Variants in NOC4L observed in about 807,000 individuals in gnomAD.
NOC4L encodes the protein nucleolar complex protein 4 homolog.
Under a neutral mutation model 62.8 loss-of-function variants are expected in NOC4L, and 40 were observed. That is an observed-to-expected ratio of 0.64 (90% CI 0.49 to 0.83). NOC4L has a LOEUF of 0.83. Among genes scored for constraint, NOC4L ranks in the 40% least tolerant of loss-of-function variants. NOC4L has a pLI of 0.00. For missense variants in NOC4L, 927 were observed against 701.9 expected (o/e 1.32, Z -3.62); for synonymous variants, 433 against 299.8 (o/e 1.44, Z -4.59).
chr12:132,150,907 T>C (rs1897909736), intron 9 of NOC4L, 74 bp from the exon 10 acceptor site: 1 of 1,128,584 alleles, frequency 8.9e-7, no homozygotes, highest in Non-Finnish European at 1.3e-6. Context: ...TCCACAGACT[T>C]ACACTCAGTG....
rs140338310 is a variant in NOC4L at position 132,145,609 on chromosome 12, C to T, written c.289C>T (p.His97Tyr). ...KYKVWMRHRYHSCCNRLGELL... is the reference protein window; with the variant it reads ...KYKVWMRHRYYSCCNRLGELL... ...CAAGGTGTGGATGAGACACCGCTAT[C>T]ACAGCTGCTGCAATCGCTTGGGAGA... The change falls in exon 3 of 15, where the codon CAC becomes TAC. Residue 97 changes from histidine to tyrosine, a missense_variant. Physicochemically the swap from His to Tyr is moderately conservative, Grantham distance 83 (BLOSUM62 2). Coordinates refer to ENST00000330579, the MANE Select transcript of NOC4L (RefSeq NM_024078.3). The T allele has an allele frequency of 8.7e-6, 14 of 1,613,612 alleles. No homozygotes were observed. The highest frequency in any genetic ancestry group is 1.1e-5 in the South Asian group (1 of 91,086).
In NOC4L at chr12:132,151,120, C is replaced by G. The variant is rs575638590; in HGVS notation, c.962+79C>G. ...TCTGTCCCCTTCCCACCCTGCCCCA[C>G]GGGGTCCCCGCTTTCCTCACAGGCC... On this transcript the variant is annotated intron_variant, in intron 10 of 14. Transcript: ENST00000330579. The G allele has an allele frequency of 4.1e-6, 6 of 1,466,118 alleles. No homozygotes were observed. In the African/African-American group the frequency reaches 8.3e-5, roughly 20 times the overall value. 90.8% of individuals were successfully genotyped at this position (1,466,118 alleles called of 1,614,324 possible). A position where few individuals can be genotyped will look rare whatever the true frequency, so the allele number is the denominator to read the frequency against.
intron 4 of NOC4L, 46 bp from the exon 5 acceptor site, chr12:132,147,587 G>C (rs570414274): frequency 6.3e-7 from 1 of 1,599,082 alleles, no homozygotes; most frequent in East Asian, 2.2e-5. Context: ...GACCTTGCTG[G>C]CGTATGCTGG....
intron 1 of NOC4L, 55 bp from the exon 2 acceptor site, chr12:132,144,799 C>G (rs111232707): frequency 2.6e-5 from 41 of 1,568,710 alleles, no homozygotes; most frequent in Non-Finnish European, 3.4e-5. Context: ...GCAGCCTAGG[C>G]AGGGGCGAAG....
chr12:132,147,935 C>T lies in NOC4L; in HGVS notation c.659C>T (p.Pro220Leu), dbSNP rs776810673. 8 of 1,606,532 alleles carry T rather than the reference C, an allele frequency of 5.0e-6. No homozygotes were observed. The Admixed American group carries it at 8.5e-5, about 17-fold the overall frequency. The stretch of plus-strand genomic sequence containing the variant: ...ACGCTGCTGTCTGCCGTGAGCCTGC[C>T]CCGCCGGGAGCCCACCGTCTCCAGC... ...AFTLLSAVSL[P>L]RREPTVSSFY... The change falls in exon 6 of 15, where the codon CCC becomes CTC. Residue 220 changes from proline to leucine, a missense_variant. Pro to Leu is a moderately conservative substitution (Grantham distance 98). Transcript: ENST00000330579.
In NOC4L at chr12:132,145,710, C is replaced by T. The variant is rs776631188; in HGVS notation, c.345+45C>T. On this transcript the variant is annotated intron_variant, in intron 3 of 14. Transcript: ENST00000330579. Reference sequence around the variant, plus strand: ...TCATCCTTGTCCATCCCCTGCACCCCAACTCCCAGGTTATCCACAAAGCAG... The same window carrying T: ...TCATCCTTGTCCATCCCCTGCACCCTAACTCCCAGGTTATCCACAAAGCAG... The T allele has an allele frequency of 2.2e-6, 3 of 1,355,238 alleles. No homozygotes were observed. The Admixed American group carries it at 5.3e-5, about 24-fold the overall frequency. The allele number at this position is 1,355,238 out of a possible 1,614,324, so 84.0% of individuals were successfully genotyped here.
In NOC4L at chr12:132,151,874, CAGAA is replaced by C. The variant is rs1872983617; in HGVS notation, c.1317+57_1317+60del. 13 of 1,546,070 alleles carry C rather than the reference CAGAA, an allele frequency of 8.4e-6. No homozygotes were observed. In the Admixed American group the frequency reaches 8.8e-5, roughly 10 times the overall value. On this transcript the variant is annotated intron_variant, in intron 13 of 14. Coordinates refer to ENST00000330579, the MANE Select transcript of NOC4L (RefSeq NM_024078.3). ...CCTCCCGAGCCATCCTTCGGCCCCT[CAGAA>C]AGCCCAGCTCCCCGTGCCACCTCCC... is the stretch of plus-strand genomic sequence containing the variant.
intron 3 of NOC4L, chr12:132,146,493 G>T: frequency 2.5e-6 from 1 of 395,264 alleles, no homozygotes; most frequent in Non-Finnish European, 5.2e-6. Context: ...GGAATTACAA[G>T]GCCACACAGC....
intron 9 of NOC4L, chr12:132,150,737 C>T (rs1003321121): frequency 5.4e-6 from 3 of 555,222 alleles, no homozygotes; most frequent in African/African-American, 3.9e-5. Context: ...CTAATCCCCT[C>T]GGTGAGTGCC....
At position 132,148,691 on chromosome 12, in the gene NOC4L, G is replaced by A. The variant is rs755698826; in HGVS notation, c.789+32G>A. ...GCCAGGCCGGGGAGGGGGCGGGGGC[G>A]GCATCCGGGTCTCCCCCAGGGCGGA... is the stretch of plus-strand genomic sequence containing the variant. On this transcript the variant is annotated intron_variant, in intron 8 of 14. Transcript: ENST00000330579. The A allele has an allele frequency of 1.4e-4, 210 of 1,533,242 alleles. 1 individual carries two copies. The Middle Eastern group carries it at 2.6e-3, about 19-fold the overall frequency. The allele number at this position is 1,533,242 out of a possible 1,614,324, so 95.0% of individuals were successfully genotyped here. A position where few individuals can be genotyped will look rare whatever the true frequency, so the allele number is the denominator to read the frequency against.
At chr12:132,145,025 G>A (rs1184064310) in intron 2 of NOC4L, 51 bp downstream of exon 2, 1 of 1,539,394 alleles carries the variant, frequency 6.5e-7, no homozygotes, top group Non-Finnish European at 8.8e-7. Flanking sequence ...TGGGTCGGAG[G>A]GAGGCTTTGT....
chr12:132,144,599 G>A lies in NOC4L; in HGVS notation c.111G>A (p.Val37=), dbSNP rs752019782. 5 of 1,518,512 alleles carry A rather than the reference G, an allele frequency of 3.3e-6. No homozygotes were observed. The South Asian group carries it at 3.7e-5, about 11-fold the overall frequency. 94.1% of individuals were successfully genotyped at this position (1,518,512 alleles called of 1,614,324 possible). Reference sequence around the variant, plus strand: ...ACGCCGTGTTCGACATCCTGGCCGTGCTGCAGGTGGGCCTGGCGGCGTCGC... The same window carrying A: ...ACGCCGTGTTCGACATCCTGGCCGTACTGCAGGTGGGCCTGGCGGCGTCGC... ...EANAVFDILA[V]LQSEDQEEIQ... Residue 37 remains valine, a synonymous_variant, in exon 1 of 15, where the codon GTG becomes GTA. Transcript: ENST00000330579.
rs746608443 is a variant in NOC4L at position 132,148,096 on chromosome 12, C to G, written c.728C>G (p.Ala243Gly). The stretch of plus-strand genomic sequence containing the variant: ...GAGCTGTGGGACACCTGGAAGGTTG[C>G]TCACCTGAAGGTGAGTTGCTTCTGG... ...RAELWDTWKVAHLKEHRRVFQ... is the reference protein window; with the variant it reads ...RAELWDTWKVGHLKEHRRVFQ... The change falls in exon 7 of 15, where the codon GCT becomes GGT. Residue 243 changes from alanine (A) to glycine (G), a missense_variant. Ala to Gly is a moderately conservative substitution (Grantham distance 60). Transcript: ENST00000330579. 2 of 1,613,458 alleles carry G rather than the reference C, an allele frequency of 1.2e-6. No individual in the cohort carries two copies. Among genetic ancestry groups the G allele is most frequent in the Admixed American group, 3.3e-5 (2 of 60,004 alleles).
rs763839101 is a variant in NOC4L, at chr12:132,151,019, A to G, written c.940A>G (p.Ile314Val). ...CCTCTTGGCCTTGAACGGGCTGTTC[A>G]TCTTGATTCACAAACACAACCTGTG... ...LSLLALNGLF[I>V]LIHKHNLEYP... Residue 314 changes from isoleucine (I) to valine (V), a missense_variant, in exon 10 of 15, where the codon ATC becomes GTC. Ile to Val is a conservative substitution (Grantham distance 29). Coordinates refer to ENST00000330579, the MANE Select transcript of NOC4L (RefSeq NM_024078.3). The G allele has an allele frequency of 1.9e-6, 3 of 1,611,356 alleles. No individual in the cohort carries two copies.
Position 132,147,918 on chromosome 12 carries a change from G to C in NOC4L, c.642G>C (p.Leu214=), listed in dbSNP as rs779169383. The change falls in exon 6 of 15, where the codon CTG becomes CTC. Residue 214 remains leucine, a synonymous_variant. Coordinates refer to ENST00000330579, the MANE Select transcript of NOC4L (RefSeq NM_024078.3). ...TTTGGAACAATGCCTTCACGCTGCT[G>C]TCTGCCGTGAGCCTGCCCCGCCGGG... ...PAFWNNAFTL[L]SAVSLPRREP... The C allele has an allele frequency of 6.2e-7, 1 of 1,603,938 alleles. No homozygotes were observed. Among genetic ancestry groups the C allele is most frequent in the South Asian group, 1.1e-5 (1 of 90,320 alleles).
At chr12:132,149,017 T>C (rs1477007338) in intron 9 of NOC4L, 122 bp downstream of exon 9, 20 of 107,948 alleles carry the variant, frequency 1.9e-4, no homozygotes, top group African/African-American at 1.5e-3. Flanking sequence ...ACCACACCCC[T>C]AATCCCCTCG....
chr12:132,147,200 G>A, intron 3 of NOC4L, 81 bp from the exon 4 acceptor site: 1 of 1,100,170 alleles, frequency 9.1e-7, no homozygotes, highest in Non-Finnish European at 1.2e-6. Flanking sequence ...CTAGATGGGA[G>A]GGGCTCCCTG....
intron 4 of NOC4L, 106 bp from the exon 5 acceptor site, chr12:132,147,527 A>G: frequency 6.7e-7 from 1 of 1,489,400 alleles, no homozygotes; most frequent in African/African-American, 1.4e-5. Flanking sequence ...GGCCCACCCA[A>G]CCAGGAGGAG....
chr12:132,151,642 C>T lies in NOC4L; in HGVS notation c.1232C>T (p.Pro411Leu). 5 of 1,611,758 alleles carry T rather than the reference C, an allele frequency of 3.1e-6. No individual in the cohort carries two copies. Among genetic ancestry groups the T allele is most frequent in the Admixed American group, 1.7e-5 (1 of 59,968 alleles). The stretch of plus-strand genomic sequence containing the variant: ...GTCCTCGTGCACCGTCCACACGGCC[C>T]TGGTGAGTTGCGGGGCCCTCGGAGG... ...CRVLVHRPHG[P>L]ELDADPYDPG... The change falls in exon 12 of 15, where the codon CCT (proline) becomes CTT (leucine). Residue 411 changes from proline to leucine, a missense_variant and splice_region_variant. Transcript: ENST00000330579.
Sources: allele counts gnomAD v4.1 joint callset, GRCh38; gene constraint gnomAD v4.1.1; transcripts MANE v1.5; gene names NCBI Gene and HGNC (gene_info 2026-07-23, HGNC 2026-07-21).